The following TRPM1 variants were observed in gnomAD, a reference collection of about 807,000 sequenced individuals.
TRPM1 encodes TRPM1-203 APA Isoform, Intron 10.
Under a neutral mutation model 149.4 loss-of-function variants are expected in TRPM1, and 113 were observed. That is an observed-to-expected ratio of 0.76 (90% CI 0.65 to 0.88). TRPM1 has a LOEUF of 0.88. Ranked by LOEUF, TRPM1 falls within the 40% of genes least tolerant of loss-of-function variation. TRPM1 has a pLI of 0.00. For synonymous variants in TRPM1, 741 were observed against 759.5 expected (o/e 0.98, Z 0.40); for missense variants, 1,976 against 2,038.7 (o/e 0.97, Z 0.59).
chr15:31,070,329 G>A (rs2034505474), intron 3 of TRPM1, 103 bp from the exon 4 acceptor site: 6 of 1,127,052 alleles, frequency 5.3e-6, no homozygotes, highest in Admixed American at 5.1e-5. Flanking sequence ...GCCCAAACAG[G>A]AGCCTACTAA....
intron 1 of TRPM1, among the ~76,000 whole-genome samples, chr15:31,155,710 G>GGAGAGA (rs145698233): frequency 1.3e-5 from 2 of 151,582 alleles, no homozygotes; most frequent in African/African-American, 2.4e-5. Context: ...AAAGGGAGGG[G>GGAGAGA]GAGAGAGAGA....
At chr15:31,125,729 C>CAAAAAAAAAA (rs59878175) in intron 1 of TRPM1, among the ~76,000 whole-genome samples, 1 of 52,764 alleles carries the variant, frequency 1.9e-5, no homozygotes, top group African/African-American at 7.3e-5. Context: ...GACTCCGTCT[C>CAAAAAAAAAA]AAAAAAAAAA....
In TRPM1 at chr15:31,040,767, G is replaced by A. The variant is rs531339577; in HGVS notation, c.2088-421C>T. Among the ~76,000 whole-genome samples, 1 of 152,188 alleles carries A rather than the reference G, an allele frequency of 6.6e-6. No homozygotes were observed. Among genetic ancestry groups the A allele is most frequent in the African/African-American group, 2.4e-5 (1 of 41,440 alleles). ...CGGGGCTGCTGGTGGTGGTGGTGGC[G>A]GGAGGTGGACACTGAAAGGAGTCAC... On this transcript the variant is annotated intron_variant, in intron 17 of 27. Transcript: ENST00000256552. The surrounding 1 kb of genome is among the most constrained non-coding windows in gnomAD (Gnocchi z 4.2).
intron 25 of TRPM1, among the ~76,000 whole-genome samples, 199 bp from the exon 26 acceptor site, chr15:31,027,316 A>G (rs1465768070): frequency 6.6e-6 from 1 of 152,186 alleles, no homozygotes; most frequent in African/African-American, 2.4e-5. Flanking sequence ...CATTGTATTC[A>G]TAAATAGCTA....
chr15:31,144,705 T>C (rs2036202160), intron 1 of TRPM1, among the ~76,000 whole-genome samples: 2 of 150,384 alleles, frequency 1.3e-5, no homozygotes, highest in Admixed American at 1.3e-4. Flanking sequence ...TTTTCATTGT[T>C]TTTGAGATTT....
upstream of TRPM1, among the ~76,000 whole-genome samples, chr15:31,103,550 C>T (rs961159939): frequency 6.6e-5 from 10 of 152,170 alleles, no homozygotes; most frequent in African/African-American, 2.4e-4. Context: ...GCCCAGCTCA[C>T]GCCTGCAATT....
Position 31,107,874 on chromosome 15 carries a change from T to C in TRPM1, c.55-30890A>G, listed in dbSNP as rs531977267. Among the ~76,000 whole-genome samples the C allele has an allele frequency of 2.6e-5, 4 of 152,052 alleles. No individual in the cohort carries two copies. In the East Asian group the frequency reaches 5.8e-4, roughly 22 times the overall value. On this transcript the variant is annotated intron_variant, in intron 1 of 26. Coordinates refer to the TRPM1 transcript ENST00000542188. ...ATTTCTTTTCTTTTCTTTTTTTTTTTTGAGACTGAGTCTTGCTCTGTTGCC... is the reference window on the plus strand; with the variant it reads ...ATTTCTTTTCTTTTCTTTTTTTTTTCTGAGACTGAGTCTTGCTCTGTTGCC...
chr15:31,039,313 A>G (rs992986325), intron 18 of TRPM1, among the ~76,000 whole-genome samples: 6 of 152,188 alleles, frequency 3.9e-5, no homozygotes, highest in African/African-American at 1.4e-4. Context: ...TGGAATTCTG[A>G]AAACTGTTTA....
chr15:31,063,062 G>T (rs554763823), intron 8 of TRPM1, 56 bp downstream of exon 8: 2 of 1,606,288 alleles, frequency 1.2e-6, no homozygotes, highest in South Asian at 2.2e-5. Flanking sequence ...TTTTCTCCTT[G>T]GCCCGACAAA....
At chr15:31,108,352 G>A (rs563268221) in intron 1 of TRPM1, among the ~76,000 whole-genome samples, 3 of 152,136 alleles carry the variant, frequency 2.0e-5, no homozygotes, top group South Asian at 4.1e-4. Context: ...ACTCTTAGAC[G>A]TCTGTTAGGT....
intron 1 of TRPM1, among the ~76,000 whole-genome samples, chr15:31,093,838 A>G (rs2035306125): frequency 6.6e-6 from 1 of 152,102 alleles, no homozygotes; most frequent in Non-Finnish European, 1.5e-5. Context: ...CCTGACCTCA[A>G]GTGATCTGCC....
intron 20 of TRPM1, among the ~76,000 whole-genome samples, chr15:31,037,399 A>G (rs1054809044): frequency 6.6e-6 from 1 of 152,264 alleles, no homozygotes; most frequent in African/African-American, 2.4e-5. Flanking sequence ...TCATTTAAAA[A>G]TAAAATTATA....
In TRPM1 at chr15:31,050,561, G is replaced by T. The variant is rs374376006; in HGVS notation, c.1285C>A (p.Pro429Thr). Residue 429 changes from proline (P) to threonine (T), a missense_variant, in exon 12 of 28, where the codon CCG becomes ACG. Physicochemically the swap from Pro to Thr is conservative, Grantham distance 38. Around this residue, in one of 3 missense-constraint regions of TRPM1, gnomAD observed 1,332 missense variants for 1,347.1 expected, o/e 0.99. Coordinates refer to ENST00000256552, the MANE Select transcript of TRPM1 (RefSeq NM_001252024.2). ...TTCTCCGTGGCTTTGCTGTCCGTCG[G>T]GGGTGCCAGGCTTCCCAGGGGCTGC... is the stretch of plus-strand genomic sequence containing the variant. ...HWPPLGSLAP[P>T]TDSKATEKEK... 5.0e-4 allele frequency: 815 copies of T among 1,614,054 alleles called. 11 individuals carry two copies. The South Asian group carries it at 8.0e-3, about 16-fold the overall frequency.
chr15:31,089,814 A>T (rs540922863), intron 1 of TRPM1, among the ~76,000 whole-genome samples: 1 of 152,286 alleles, frequency 6.6e-6, no homozygotes, highest in South Asian at 2.1e-4. Context: ...GGGCCCCAGA[A>T]CACCGCGGAA....
rs754705612 is a variant in TRPM1 at position 31,031,004 on chromosome 15, C to CCT, written c.3104_3105dup (p.Val1036ArgfsTer7). On this transcript the variant is annotated frameshift_variant, in exon 23 of 28. Coordinates refer to ENST00000256552, the MANE Select transcript of TRPM1 (RefSeq NM_001252024.2). LOFTEE classifies it high-confidence loss of function. ...TTACGGTCTATCTGGTCTGCAAACACCTCTCCATAGATCATCCAGTAGGGC... is the reference window on the plus strand; with the variant it reads ...TTACGGTCTATCTGGTCTGCAAACACCTCTCTCCATAGATCATCCAGTAGGGC... The CCT allele has an allele frequency of 6.8e-6, 11 of 1,614,068 alleles. No individual in the cohort carries two copies. In the Admixed American group the frequency reaches 1.5e-4, roughly 22 times the overall value.
chr15:31,113,832 T>C (rs1017062106), intron 1 of TRPM1, among the ~76,000 whole-genome samples: 1 of 152,144 alleles, frequency 6.6e-6, no homozygotes, highest in Non-Finnish European at 1.5e-5. Context: ...TGTGAAGATG[T>C]GAACAGCAAA....
At chr15:31,065,616 A>T (rs2034352567) in intron 7 of TRPM1, among the ~76,000 whole-genome samples, 1 of 152,180 alleles carries the variant, frequency 6.6e-6, no homozygotes, top group Admixed American at 6.5e-5. Context: ...TGGCTCCTGC[A>T]GCCCTCTCCA....
In TRPM1 at chr15:31,063,236, C is replaced by T. The variant is rs539031474; in HGVS notation, c.847G>A (p.Val283Met). The change falls in exon 8 of 28, where the codon GTG becomes ATG. Residue 283 changes from valine (V) to methionine (M), a missense_variant. Physicochemically the swap from Val to Met is conservative, Grantham distance 21 (BLOSUM62 1). This residue lies in a region of TRPM1 where 1,332 missense variants were observed against 1,347.1 expected (regional missense o/e 0.99). Coordinates refer to ENST00000256552, the MANE Select transcript of TRPM1 (RefSeq NM_001252024.2). Reference sequence around the variant, plus strand: ...TGCAGGTATTCCAAGACGATGGACACCACGTTAGGGCCCCCCTCCACCACG... The same window carrying T: ...TGCAGGTATTCCAAGACGATGGACATCACGTTAGGGCCCCCCTCCACCACG... ...GLVVEGGPNV[V>M]SIVLEYLQEE... The T allele has an allele frequency of 6.2e-7, 1 of 1,614,178 alleles. No homozygotes were observed.
At chr15:31,113,375 A>T (rs2338860) in intron 1 of TRPM1, among the ~76,000 whole-genome samples, 1 of 151,886 alleles carries the variant, frequency 6.6e-6, no homozygotes, top group African/African-American at 2.4e-5. Flanking sequence ...TGTCACAACC[A>T]ACGGGGTTCT....
Sources: allele counts gnomAD v4.1 joint callset (sites outside exome capture counted in the v4.1 genomes callset), GRCh38; gene constraint gnomAD v4.1.1; regional missense constraint gnomAD v4.1.1; non-coding constraint Gnocchi (gnomAD v3.1); transcripts MANE v1.5; gene names NCBI Gene and HGNC (gene_info 2026-07-23, HGNC 2026-07-21).